WDR7: variants seen among roughly 807,000 people sequenced by gnomAD.
The protein encoded by WDR7 is WD repeat domain 7.
Under a neutral mutation model 169.4 loss-of-function variants are expected in WDR7, and 46 were observed. That is an observed-to-expected ratio of 0.27 (90% CI 0.21 to 0.35). The LOEUF is 0.35. WDR7 is among the 10% of genes least tolerant of loss of function. WDR7 has a pLI of 1.00. For synonymous variants in WDR7, 612 were observed against 666.8 expected, an observed-to-expected ratio of 0.92 and a Z score of 1.27; for missense variants, 1,534 against 1,859.3, an observed-to-expected ratio of 0.83 and a Z score of 3.22.
At chr18:56,777,525 C>A (rs1385652497) in intron 17 of WDR7, among the ~76,000 whole-genome samples, 3 of 152,086 alleles carry the variant, frequency 2.0e-5, no homozygotes, top group Admixed American at 6.6e-5. Context: ...GACCTACAAA[C>A]CTTTATTCCA....
intron 21 of WDR7, among the ~76,000 whole-genome samples, chr18:56,917,899 A>T (rs1175394337): frequency 6.6e-6 from 1 of 152,228 alleles, no homozygotes; most frequent in Non-Finnish European, 1.5e-5. Context: ...TAAGAAATGT[A>T]AAAATTTGAT....
At chr18:56,874,794 A>G (rs1240685206) in intron 20 of WDR7, among the ~76,000 whole-genome samples, 2 of 151,932 alleles carry the variant, frequency 1.3e-5, no homozygotes, top group Admixed American at 6.5e-5. Context: ...ATAAAGTGTG[A>G]TGTGCGGAAG....
chr18:56,965,904 G>A (rs1342294379), intron 26 of WDR7, among the ~76,000 whole-genome samples: 1 of 152,034 alleles, frequency 6.6e-6, no homozygotes, highest in Non-Finnish European at 1.5e-5. Flanking sequence ...ATTGATACAA[G>A]ATTAATATAA....
intron 1 of WDR7, among the ~76,000 whole-genome samples, chr18:56,660,789 T>C (rs2024889274): frequency 6.6e-6 from 1 of 152,218 alleles, no homozygotes; most frequent in Admixed American, 6.5e-5. Context: ...ATATGAACTA[T>C]GTCAAATTGC....
intron 13 of WDR7, among the ~76,000 whole-genome samples, chr18:56,726,038 T>A (rs973218955): frequency 6.6e-6 from 1 of 152,244 alleles, no homozygotes; most frequent in Non-Finnish European, 1.5e-5. Context: ...ATCAGTACCA[T>A]GCTGTTTTGG....
At chr18:56,952,645 TG>T (rs2047198440) in intron 25 of WDR7, among the ~76,000 whole-genome samples, 1 of 152,206 alleles carries the variant, frequency 6.6e-6, no homozygotes, top group South Asian at 2.1e-4. Flanking sequence ...ATGCTATTTT[TG>T]TATCTGATGA....
chr18:56,717,141 T>A (rs933745384), intron 12 of WDR7, among the ~76,000 whole-genome samples: 1 of 152,242 alleles, frequency 6.6e-6, no homozygotes, highest in Non-Finnish European at 1.5e-5. Context: ...TTTCCCTCAG[T>A]ATGACCTGAA....
chr18:56,894,633 T>C (rs907625226), intron 21 of WDR7, among the ~76,000 whole-genome samples: 1 of 152,156 alleles, frequency 6.6e-6, no homozygotes, highest in Non-Finnish European at 1.5e-5. Context: ...TCCAACATCC[T>C]ATATATAATT....
At chr18:56,745,202 C>G (rs1448676926) in intron 14 of WDR7, among the ~76,000 whole-genome samples, 2 of 152,056 alleles carry the variant, frequency 1.3e-5, no homozygotes, top group Admixed American at 6.6e-5. Flanking sequence ...AATGATGAAC[C>G]TAATAGGAAC....
intron 19 of WDR7, among the ~76,000 whole-genome samples, chr18:56,815,299 C>T (rs536256510): frequency 2.0e-5 from 3 of 152,170 alleles, no homozygotes; most frequent in East Asian, 1.9e-4. Flanking sequence ...TATCGATGCA[C>T]CCTAGTATCT....
At chr18:56,734,015 A>G (rs922322779) in intron 14 of WDR7, among the ~76,000 whole-genome samples, 2 of 151,944 alleles carry the variant, frequency 1.3e-5, no homozygotes, top group Admixed American at 1.3e-4. Context: ...TGTCTTTGCC[A>G]TTCCCTCATA....
intron 14 of WDR7, among the ~76,000 whole-genome samples, chr18:56,734,290 T>C (rs2026649171): frequency 6.6e-6 from 1 of 152,150 alleles, no homozygotes; most frequent in South Asian, 2.1e-4. Context: ...CTTTTGACTG[T>C]AGACCATGAT....
chr18:56,969,580 A>G (rs1301298109), intron 26 of WDR7, among the ~76,000 whole-genome samples: 1 of 152,222 alleles, frequency 6.6e-6, no homozygotes, highest in Non-Finnish European at 1.5e-5. Context: ...CCGAGTAAAT[A>G]CAGTTACTCT....
chr18:56,780,702 A>G (rs999531284), intron 18 of WDR7, among the ~76,000 whole-genome samples: 2 of 152,208 alleles, frequency 1.3e-5, no homozygotes, highest in Non-Finnish European at 2.9e-5. Flanking sequence ...TGGGAGGCTG[A>G]GGCCCAAGTA....
In WDR7 at chr18:56,881,817, C is replaced by A. The variant is rs150457749; in HGVS notation, c.3526+1652C>A. On this transcript the variant is annotated intron_variant, in intron 21 of 27. Transcript: ENST00000254442. ...GCCAGGCTGGCCTCAAACTCCTGACCAGAAAGGATCCACCCACCTCAGCCT... is the reference window on the plus strand; with the variant it reads ...GCCAGGCTGGCCTCAAACTCCTGACAAGAAAGGATCCACCCACCTCAGCCT... 7.1e-3 allele frequency among the ~76,000 whole-genome samples: 1,082 copies of A among 152,134 alleles called. 16 individuals carry two copies. Among genetic ancestry groups the A allele is most frequent in the Middle Eastern group, 0.024 (7 of 292 alleles).
At chr18:56,849,329 A>G (rs1344446071) in intron 20 of WDR7, among the ~76,000 whole-genome samples, 1 of 152,182 alleles carries the variant, frequency 6.6e-6, no homozygotes, top group Admixed American at 6.5e-5. Flanking sequence ...TACTCCCAGG[A>G]CATGGTTCTT....
chr18:56,943,306 G>A (rs2047057652), intron 25 of WDR7, among the ~76,000 whole-genome samples: 1 of 151,904 alleles, frequency 6.6e-6, no homozygotes, highest in African/African-American at 2.4e-5. Flanking sequence ...TCAGATATGT[G>A]ATGTTTGTTT....
chr18:56,680,714 T>G (rs2144568196), intron 3 of WDR7, among the ~76,000 whole-genome samples: 1 of 152,368 alleles, frequency 6.6e-6, no homozygotes, highest in Non-Finnish European at 1.5e-5. Flanking sequence ...GTGCATTCAA[T>G]AAAATTACAA....
Position 57,027,119 on chromosome 18 carries a change from C to A in WDR7, c.4385C>A (p.Ala1462Asp), listed in dbSNP as rs539002602. 73 of 1,614,096 alleles carry A rather than the reference C, an allele frequency of 4.5e-5. No homozygotes were observed. Among genetic ancestry groups the A allele is most frequent in the Non-Finnish European group, 5.9e-5 (70 of 1,180,052 alleles). The change falls in exon 28 of 28, where the codon GCC (alanine) becomes GAC (aspartate). Residue 1462 changes from alanine to aspartate, a missense_variant. Transcript: ENST00000254442. Reference sequence around the variant, plus strand: ...CCCGCGTCCCCCGGCTCCCACAATGCCCTCAAGCTGGCCCGGCTCATCTGG... The same window carrying A: ...CCCGCGTCCCCCGGCTCCCACAATGACCTCAAGCTGGCCCGGCTCATCTGG... ...VQPASPGSHN[A>D]LKLARLIWTS...
Sources: gnomAD v4.1 joint callset for allele counts (sites outside exome capture counted in the v4.1 genomes callset) on GRCh38, gnomAD v4.1.1 for gene constraint, MANE v1.5 for transcripts, NCBI Gene and HGNC (gene_info 2026-07-23, HGNC 2026-07-21) for gene names.